The following DNAJB6 variants were observed in gnomAD, a reference collection of about 807,000 sequenced individuals.
The protein encoded by DNAJB6 is DnaJ heat shock protein family (Hsp40) member B6.
DNAJB6 carries 16 observed loss-of-function variants against 42.7 expected under a neutral mutation model. The ratio of observed to expected loss-of-function variants is 0.37; its 90% CI spans 0.25 to 0.57. DNAJB6 has a LOEUF of 0.57. Among genes scored for constraint, DNAJB6 ranks in the 20% least tolerant of loss-of-function variants. The pLI is 0.74. For missense variants in DNAJB6, 347 were observed against 416.8 expected, an observed-to-expected ratio of 0.83 and a Z score of 1.46; for synonymous variants, 170 against 163.5, an observed-to-expected ratio of 1.04 and a Z score of -0.30.
chr7:157,352,069 C>A (rs148985560), intron 1 of DNAJB6, among the ~76,000 whole-genome samples: 1 of 152,034 alleles, frequency 6.6e-6, no homozygotes, highest in East Asian at 1.9e-4. Context: ...TTGTGGCTCA[C>A]GCCTGTATTC....
intron 2 of DNAJB6, among the ~76,000 whole-genome samples, chr7:157,360,261 C>T (rs542864603): frequency 3.9e-5 from 6 of 152,230 alleles, no homozygotes; most frequent in African/African-American, 1.4e-4. Context: ...GAAGCAAAAG[C>T]GGAAACCCCT....
intron 2 of DNAJB6, among the ~76,000 whole-genome samples, chr7:157,360,780 C>G (rs907417391): frequency 6.6e-6 from 1 of 152,114 alleles, no homozygotes; most frequent in African/African-American, 2.4e-5. Context: ...TGGCTGCCAC[C>G]TGTTCTGCAT....
At chr7:157,339,604 T>C (rs912540541) in intron 1 of DNAJB6, among the ~76,000 whole-genome samples, 39 of 25,610 alleles carry the variant, frequency 1.5e-3, no homozygotes, top group South Asian at 4.8e-3. Flanking sequence ...CGGCCTTTTG[T>C]GTGTGTGTGT....
intron 8 of DNAJB6, among the ~76,000 whole-genome samples, chr7:157,397,363 G>A (rs561788693): frequency 6.6e-6 from 1 of 152,176 alleles, no homozygotes; most frequent in African/African-American, 2.4e-5. Context: ...GAGGGGGTGC[G>A]GGTGAATGGT....
intron 1 of DNAJB6, among the ~76,000 whole-genome samples, chr7:157,339,118 T>A (rs1479938469): frequency 6.6e-6 from 1 of 152,134 alleles, no homozygotes; most frequent in Non-Finnish European, 1.5e-5. Context: ...TACAGTGTGA[T>A]ACCTGTTACT....
At chr7:157,369,714 C>G (rs560224243) in intron 5 of DNAJB6, among the ~76,000 whole-genome samples, 2 of 140,134 alleles carry the variant, frequency 1.4e-5, no homozygotes, top group African/African-American at 5.8e-5. Context: ...TATTATTAAA[C>G]GGGCCCCTTC....
At chr7:157,337,763 G>C (rs1177969297) in intron 1 of DNAJB6, 1 of 152,252 alleles carries the variant, frequency 6.6e-6, no homozygotes, top group Non-Finnish European at 1.5e-5. Flanking sequence ...CGTAGTTGAT[G>C]CAACTGAAGT....
intron 5 of DNAJB6, among the ~76,000 whole-genome samples, chr7:157,374,654 C>T (rs970318064): frequency 2.6e-5 from 4 of 152,112 alleles, no homozygotes; most frequent in Non-Finnish European, 4.4e-5. Flanking sequence ...CATACTTGGT[C>T]GTTTCAGGAC....
At chr7:157,355,127 C>T (rs1054167646) in intron 1 of DNAJB6, among the ~76,000 whole-genome samples, 1 of 152,106 alleles carries the variant, frequency 6.6e-6, no homozygotes, top group Non-Finnish European at 1.5e-5. Flanking sequence ...TGGCCTTGAG[C>T]CTTTAGCGTT....
At chr7:157,358,933 A>G (rs1584896313) in intron 2 of DNAJB6, among the ~76,000 whole-genome samples, 1 of 152,158 alleles carries the variant, frequency 6.6e-6, no homozygotes, top group East Asian at 1.9e-4. Context: ...CTGACTTGGC[A>G]TTCTTGAGTG....
At chr7:157,408,230 A>G (rs76664958) in intron 8 of DNAJB6, among the ~76,000 whole-genome samples, 154 of 152,256 alleles carry the variant, frequency 1.0e-3, no homozygotes, top group Non-Finnish European at 1.9e-3. Flanking sequence ...GGTGTTGACA[A>G]TGGGGTGTCA....
chr7:157,347,605 G>A (rs9647676), intron 1 of DNAJB6, among the ~76,000 whole-genome samples: 82,125 of 152,040 alleles, frequency 0.54, 22,501 homozygotes, highest in East Asian at 0.76. Context: ...GAATGACTGT[G>A]ATGGAATACG....
chr7:157,369,535 C>T lies in DNAJB6; in HGVS notation c.346+2052C>T, dbSNP rs942199699. 4 of 377,626 alleles carry T rather than the reference C, an allele frequency of 1.1e-5. No individual in the cohort carries two copies. The Admixed American group carries it at 1.1e-4, about 10-fold the overall frequency. 23.4% of individuals were successfully genotyped at this position (377,626 alleles called of 1,614,324 possible). On this transcript the variant is annotated intron_variant, in intron 5 of 9. Coordinates refer to ENST00000262177, the MANE Select transcript of DNAJB6 (RefSeq NM_058246.4). ...GGCGTCTTCAACAGGCCCTGCTTAA[C>T]ATTATGATTAAACAGGGCTTTCTTA... is the stretch of plus-strand genomic sequence containing the variant.
chr7:157,348,764 C>G (rs1306477913), intron 1 of DNAJB6, among the ~76,000 whole-genome samples: 1 of 152,120 alleles, frequency 6.6e-6, no homozygotes, highest in Admixed American at 6.6e-5. Context: ...GCGCCCTGTT[C>G]TTTCTTGTCC....
At chr7:157,414,521 T>C (rs1331744253) in intron 9 of DNAJB6, 1 of 152,306 alleles carries the variant, frequency 6.6e-6, no homozygotes, top group Non-Finnish European at 1.5e-5. Context: ...CACAGGCCTC[T>C]CTCTGTTCGT....
chr7:157,360,749 G>A (rs930087101), intron 2 of DNAJB6, among the ~76,000 whole-genome samples: 4 of 152,194 alleles, frequency 2.6e-5, no homozygotes, highest in Non-Finnish European at 4.4e-5. Flanking sequence ...GACAGTTTTT[G>A]ATTGAAGACT....
intron 1 of DNAJB6, among the ~76,000 whole-genome samples, chr7:157,342,861 GTGTT>G (rs918494060): frequency 3.9e-5 from 6 of 151,990 alleles, no homozygotes; most frequent in Non-Finnish European, 7.4e-5. Context: ...AATAACTTCT[GTGTT>G]TGTTTCAGAA....
chr7:157,342,119 A>G (rs1798422150), intron 1 of DNAJB6, among the ~76,000 whole-genome samples: 1 of 151,874 alleles, frequency 6.6e-6, no homozygotes, highest in Non-Finnish European at 1.5e-5. Context: ...TGGCCTCCCA[A>G]AGTGCTGGGA....
Position 157,358,610 on chromosome 7 carries a change from A to T in DNAJB6, c.38A>T (p.His13Leu). The change falls in exon 2 of 10, where the codon CAT (histidine) becomes CTT (leucine). Residue 13 changes from histidine (H) to leucine (L), a missense_variant. Transcript: ENST00000262177. ...DYYEVLGVQRHASPEDIKKAY... is the reference protein window; with the variant it reads ...DYYEVLGVQRLASPEDIKKAY... Reference sequence around the variant, plus strand: ...TATGAAGTTCTAGGCGTGCAGAGACATGCCTCACCCGAGGATATTAAAAAG... The same window carrying T: ...TATGAAGTTCTAGGCGTGCAGAGACTTGCCTCACCCGAGGATATTAAAAAG... The T allele has an allele frequency of 6.2e-7, 1 of 1,613,858 alleles. No individual in the cohort carries two copies.
Sources: gnomAD v4.1 joint callset for allele counts (sites outside exome capture counted in the v4.1 genomes callset) on GRCh38, gnomAD v4.1.1 for gene constraint, MANE v1.5 for transcripts, NCBI Gene and HGNC (gene_info 2026-07-23, HGNC 2026-07-21) for gene names.